ADAMTSL1: variants seen among roughly 807,000 people sequenced by gnomAD.
The protein encoded by ADAMTSL1 is ADAMTS like 1, also known as ADAMTS-like protein 1.
A neutral mutation model predicts 201.8 loss-of-function variants in ADAMTSL1; 126 were observed. The observed-to-expected ratio is 0.62, with a 90% CI of 0.54 to 0.72. The LOEUF is 0.72. Among genes scored for constraint, ADAMTSL1 ranks in the 30% least tolerant of loss-of-function variants. The pLI is 0.00. For synonymous variants in ADAMTSL1, 1,121 were observed against 903.4 expected (o/e 1.24, Z -4.32); for missense variants, 2,679 against 2,277.8 (o/e 1.18, Z -3.59).
intron 1 of ADAMTSL1, among the ~76,000 whole-genome samples, chr9:18,038,197 C>T (rs967550654): frequency 1.2e-4 from 18 of 152,138 alleles, no homozygotes; most frequent in Non-Finnish European, 1.8e-4. Flanking sequence ...GCTCATGAGA[C>T]TTGCCCATGT....
chr9:18,650,819 T>C (rs1406816481), intron 7 of ADAMTSL1, among the ~76,000 whole-genome samples: 2 of 152,194 alleles, frequency 1.3e-5, no homozygotes, highest in African/African-American at 4.8e-5. Context: ...GTAGAATAGA[T>C]AATCTGCTGC....
chr9:18,878,142 T>A (rs1828286085), intron 23 of ADAMTSL1, among the ~76,000 whole-genome samples: 1 of 152,052 alleles, frequency 6.6e-6, no homozygotes, highest in South Asian at 2.1e-4. Flanking sequence ...TAGCACCAAG[T>A]TTATTTGCAG....
At chr9:18,619,599 C>T (rs1007870888) in intron 4 of ADAMTSL1, among the ~76,000 whole-genome samples, 11 of 152,144 alleles carry the variant, frequency 7.2e-5, no homozygotes, top group South Asian at 6.2e-4. Context: ...CTAATATTAC[C>T]GTTGCTTTGG....
chr9:18,104,505 C>A (rs1201570060), intron 1 of ADAMTSL1, among the ~76,000 whole-genome samples: 1 of 152,106 alleles, frequency 6.6e-6, no homozygotes, highest in African/African-American at 2.4e-5. Flanking sequence ...CTGCAGGTGG[C>A]CACACTTGGG....
At chr9:18,524,875 T>C (rs1818935073) in intron 2 of ADAMTSL1, among the ~76,000 whole-genome samples, 2 of 152,230 alleles carry the variant, frequency 1.3e-5, no homozygotes, top group African/African-American at 4.8e-5. Context: ...GAATCGATGT[T>C]CATCAGGGAT....
intron 2 of ADAMTSL1, among the ~76,000 whole-genome samples, chr9:18,302,597 A>G (rs769183765): frequency 7.2e-5 from 11 of 152,200 alleles, no homozygotes; most frequent in African/African-American, 2.4e-4. Flanking sequence ...TGAGTACTCT[A>G]TAAATACACA....
chr9:18,139,299 A>G (rs1432270640), intron 1 of ADAMTSL1, among the ~76,000 whole-genome samples: 1 of 152,194 alleles, frequency 6.6e-6, no homozygotes, highest in East Asian at 1.9e-4. Flanking sequence ...AGGAGGGCAC[A>G]TGGCAGCATA....
intron 2 of ADAMTSL1, among the ~76,000 whole-genome samples, chr9:18,399,963 G>T (rs2133261421): frequency 6.6e-6 from 1 of 152,194 alleles, no homozygotes; most frequent in South Asian, 2.1e-4. Flanking sequence ...AACAAAACTA[G>T]TTAGATATAC....
intron 25 of ADAMTSL1, chr9:18,890,605 C>G (rs1179375942): frequency 4.4e-6 from 2 of 455,980 alleles, no homozygotes; most frequent in Admixed American, 4.7e-5. Context: ...AAATATGAAA[C>G]ATGCTCATTA....
intron 1 of ADAMTSL1, among the ~76,000 whole-genome samples, chr9:18,118,346 A>T (rs1825348263): frequency 6.6e-6 from 1 of 152,218 alleles, no homozygotes; most frequent in South Asian, 2.1e-4. Flanking sequence ...ATTTTGATTT[A>T]AGATGCTGAG....
intron 4 of ADAMTSL1, among the ~76,000 whole-genome samples, chr9:18,576,605 C>A (rs1282501665): frequency 2.0e-5 from 3 of 152,098 alleles, no homozygotes; most frequent in Admixed American, 6.6e-5. Context: ...CAGTTATTGC[C>A]GTTTCATAGA....
intron 1 of ADAMTSL1, among the ~76,000 whole-genome samples, chr9:18,089,824 A>G (rs1823929277): frequency 6.6e-6 from 1 of 152,152 alleles, no homozygotes; most frequent in African/African-American, 2.4e-5. Context: ...AGCTCTAAAG[A>G]TCTGCTGTAT....
intron 1 of ADAMTSL1, among the ~76,000 whole-genome samples, chr9:18,058,069 A>C (rs1422194014): frequency 6.6e-6 from 1 of 152,254 alleles, no homozygotes; most frequent in Admixed American, 6.5e-5. Flanking sequence ...GGAGTATCTA[A>C]ATAAATATTT....
At chr9:18,646,023 A>G (rs897850977) in intron 7 of ADAMTSL1, among the ~76,000 whole-genome samples, 1 of 152,220 alleles carries the variant, frequency 6.6e-6, no homozygotes, top group African/African-American at 2.4e-5. Flanking sequence ...ATCCATGAGC[A>G]TAGAATGTTC....
At chr9:18,801,020 C>G (rs34848869) in intron 20 of ADAMTSL1, among the ~76,000 whole-genome samples, 6,132 of 152,220 alleles carry the variant, frequency 0.04, 180 homozygotes, top group Non-Finnish European at 0.06. Flanking sequence ...GTAATGGAAA[C>G]AAGGATATGA....
At chr9:18,473,310 T>A (rs999832101), upstream of ADAMTSL1, among the ~76,000 whole-genome samples, 18 of 152,310 alleles carry the variant, frequency 1.2e-4, no homozygotes, top group Non-Finnish European at 2.5e-4. Context: ...TGGCAGTGCA[T>A]CAAAACCAGG....
At chr9:18,788,649 G>A (rs1324077385) in intron 19 of ADAMTSL1, among the ~76,000 whole-genome samples, 1 of 152,100 alleles carries the variant, frequency 6.6e-6, no homozygotes, top group African/African-American at 2.4e-5. Context: ...ACCCGCTCCC[G>A]CTTTGTGGTA....
At chr9:18,239,049 AATAT>A (rs2132440361) in intron 2 of ADAMTSL1, among the ~76,000 whole-genome samples, 1 of 152,368 alleles carries the variant, frequency 6.6e-6, no homozygotes, top group South Asian at 2.1e-4. Flanking sequence ...TATAAAAATG[AATAT>A]ACCTTAATTT....
chr9:17,945,118 AG>A (rs1219410859), intron 1 of ADAMTSL1, among the ~76,000 whole-genome samples: 1 of 116,952 alleles, frequency 8.6e-6, no homozygotes, highest in Non-Finnish European at 1.8e-5. Flanking sequence ...CAAATTTACA[AG>A]AAAAAAACAA....
Sources: allele counts gnomAD v4.1 joint callset (sites outside exome capture counted in the v4.1 genomes callset), GRCh38; gene constraint gnomAD v4.1.1; transcripts MANE v1.5; gene names NCBI Gene and HGNC (gene_info 2026-07-23, HGNC 2026-07-21).